The following ZNF536 variants were observed in gnomAD, a reference collection of about 807,000 sequenced individuals.
ZNF536 encodes the protein zinc finger protein 536.
Under a neutral mutation model 84.5 loss-of-function variants are expected in ZNF536, and 13 were observed. That is an observed-to-expected ratio of 0.15 (90% CI 0.10 to 0.24). The LOEUF is 0.24. ZNF536 is among the 10% of genes least tolerant of loss of function. ZNF536 has a pLI of 1.00. For missense variants in ZNF536, 1,536 were observed against 1,747.5 expected (o/e 0.88, Z 2.16); for synonymous variants, 811 against 742.5 (o/e 1.09, Z -1.50).
intron 2 of ZNF536, among the ~76,000 whole-genome samples, chr19:30,469,135 C>A (rs1450840973): frequency 6.6e-6 from 1 of 152,158 alleles, no homozygotes; most frequent in Non-Finnish European, 1.5e-5. Flanking sequence ...AAAGGAATGA[C>A]CGGGCACGGT....
intron 2 of ZNF536, among the ~76,000 whole-genome samples, chr19:30,301,399 C>A (rs989250628): frequency 6.6e-6 from 1 of 152,114 alleles, no homozygotes; most frequent in East Asian, 1.9e-4. Context: ...CTGTAAAGGG[C>A]GACAGAAGGG....
At chr19:30,353,919 G>T (rs143934815) in intron 3 of ZNF536, among the ~76,000 whole-genome samples, 2 of 152,276 alleles carry the variant, frequency 1.3e-5, no homozygotes, top group East Asian at 3.9e-4. Flanking sequence ...AGGGGAGAAG[G>T]GTAAGACTGG....
At chr19:30,492,346 G>A (rs2054542865) in intron 2 of ZNF536, among the ~76,000 whole-genome samples, 1 of 152,096 alleles carries the variant, frequency 6.6e-6, no homozygotes, top group South Asian at 2.1e-4. Context: ...ATCTTTGTTA[G>A]CACTACAATG....
chr19:30,570,803 T>C (rs1469183997), intron 1 of ZNF536, among the ~76,000 whole-genome samples: 2 of 151,812 alleles, frequency 1.3e-5, no homozygotes, highest in African/African-American at 4.8e-5. Context: ...AAACATGGAG[T>C]CTCTAATAAA....
chr19:30,415,641 T>G, intron 1 of ZNF536, among the ~76,000 whole-genome samples: 1 of 152,088 alleles, frequency 6.6e-6, no homozygotes, highest in Non-Finnish European at 1.5e-5. Flanking sequence ...GACAGAGTCT[T>G]GCTCTGTAGC....
At position 30,445,714 on chromosome 19, in the gene ZNF536, T is replaced by C; in HGVS notation, c.2152T>C (p.Ser718Pro). ...TGCCCAGGAGGACAGCCCGCACCCC[T>C]CCTCGCCATCCTCCTCAGGTAGGTT... Reference protein sequence around the residue: ...GSAQEDSPHPSSPSSSDIGEE... With the variant: ...GSAQEDSPHPPSPSSSDIGEE... The change falls in exon 2 of 5, where the codon TCC becomes CCC. Residue 718 changes from serine (S) to proline (P), a missense_variant. Ser to Pro is a moderately conservative substitution (Grantham distance 74). Coordinates refer to ENST00000355537, the MANE Select transcript of ZNF536 (RefSeq NM_014717.3). This position sits in a 1 kb window ranked among gnomAD's most constrained non-coding sequence, Gnocchi z 4.5. 6.4e-7 allele frequency: 1 copy of C among 1,563,296 alleles called. No homozygotes were observed. Among genetic ancestry groups the C allele is most frequent in the Non-Finnish European group, 8.7e-7 (1 of 1,153,672 alleles).
chr19:30,244,686 A>G (rs1179497185), intron 1 of ZNF536, among the ~76,000 whole-genome samples: 1 of 152,128 alleles, frequency 6.6e-6, no homozygotes, highest in Non-Finnish European at 1.5e-5. Context: ...TTGCCCCTGA[A>G]GCTTTTAGCA....
intron 1 of ZNF536, among the ~76,000 whole-genome samples, chr19:30,409,414 G>A (rs148751924): frequency 2.8e-4 from 42 of 152,192 alleles, no homozygotes; most frequent in East Asian, 9.7e-4. Flanking sequence ...CTTGGGAGGC[G>A]CCCTGTCTAA....
chr19:30,307,432 G>A (rs1451329163), intron 2 of ZNF536, among the ~76,000 whole-genome samples: 1 of 151,104 alleles, frequency 6.6e-6, no homozygotes, highest in Non-Finnish European at 1.5e-5. Context: ...GGCTTTACAT[G>A]AGGGATGCTT....
At chr19:30,319,787 C>T (rs1224501243) in intron 2 of ZNF536, among the ~76,000 whole-genome samples, 2 of 152,124 alleles carry the variant, frequency 1.3e-5, no homozygotes, top group Admixed American at 1.3e-4. Flanking sequence ...ATATTTGGAA[C>T]GAGCTAATAA....
chr19:30,379,572 G>A (rs1003856242), intron 1 of ZNF536, among the ~76,000 whole-genome samples: 1 of 151,222 alleles, frequency 6.6e-6, no homozygotes, highest in African/African-American at 2.4e-5. Flanking sequence ...GGTGAAGGGT[G>A]GAGAGGATCA....
intron 1 of ZNF536, among the ~76,000 whole-genome samples, chr19:30,588,885 G>A (rs1264436686): frequency 6.6e-6 from 1 of 152,118 alleles, no homozygotes; most frequent in Non-Finnish European, 1.5e-5. Context: ...TTTAAGTAAG[G>A]AAATAATAGT....
intron 1 of ZNF536, among the ~76,000 whole-genome samples, chr19:30,402,329 GA>G (rs201839746): frequency 1.3e-4 from 20 of 148,948 alleles, no homozygotes; most frequent in East Asian, 7.8e-4. Context: ...TAGTGGAGGG[GA>G]AAAAAAAAGA....
chr19:30,410,119 A>C (rs1385034037), intron 1 of ZNF536, among the ~76,000 whole-genome samples: 1 of 152,142 alleles, frequency 6.6e-6, no homozygotes, highest in Non-Finnish European at 1.5e-5. Flanking sequence ...TAAGTGATTA[A>C]ATCTTTTAAT....
At chr19:30,575,153 C>CAGCA (rs2046685618) in intron 1 of ZNF536, among the ~76,000 whole-genome samples, 2 of 152,184 alleles carry the variant, frequency 1.3e-5, no homozygotes, top group South Asian at 2.1e-4. Context: ...TTCATTCATT[C>CAGCA]AGCAAGCAAG....
At chr19:30,638,114 A>G (rs1409435246) in intron 1 of ZNF536, among the ~76,000 whole-genome samples, 1 of 152,108 alleles carries the variant, frequency 6.6e-6, no homozygotes, top group Non-Finnish European at 1.5e-5. Flanking sequence ...TGTTGTGTTG[A>G]CACTGCTTCT....
chr19:30,659,055 G>A (rs983475408), intron 1 of ZNF536, among the ~76,000 whole-genome samples: 10 of 152,194 alleles, frequency 6.6e-5, no homozygotes, highest in African/African-American at 2.4e-4. Context: ...CCGTTTGGGT[G>A]GGGATTTCTC....
At chr19:30,236,404 G>A (rs1175405832) in intron 1 of ZNF536, among the ~76,000 whole-genome samples, 1 of 152,006 alleles carries the variant, frequency 6.6e-6, no homozygotes. Context: ...TATTTTCCGT[G>A]TGATTTTTGT....
At chr19:30,328,453 C>T (rs911096899) in intron 2 of ZNF536, among the ~76,000 whole-genome samples, 3 of 152,170 alleles carry the variant, frequency 2.0e-5, no homozygotes, top group Non-Finnish European at 4.4e-5. Context: ...TCTCTGCTGC[C>T]CTTGATCTTC....
Sources: allele counts gnomAD v4.1 joint callset (sites outside exome capture counted in the v4.1 genomes callset), GRCh38; gene constraint gnomAD v4.1.1; non-coding constraint Gnocchi (gnomAD v3.1); transcripts MANE v1.5; gene names NCBI Gene and HGNC (gene_info 2026-07-23, HGNC 2026-07-21).